CEP164: variants seen among roughly 807,000 people sequenced by gnomAD.
The protein encoded by CEP164 is centrosomal protein of 164 kDa.
CEP164 carries 162 observed loss-of-function variants against 182.7 expected under a neutral mutation model. The ratio of observed to expected loss-of-function variants is 0.89; its 90% CI spans 0.78 to 1.01. The LOEUF (loss-of-function observed/expected upper bound fraction) is 1.01. CEP164 is among the 50% of genes least tolerant of loss of function. The probability of loss-of-function intolerance (pLI) is 0.00; values close to 1 mark genes in which losing one functional copy is unlikely to be tolerated. For missense variants in CEP164, 1,735 were observed against 1,790.4 expected (o/e 0.97, Z 0.56); for synonymous variants, 661 against 690.0 (o/e 0.96, Z 0.66).
At chr11:117,388,278 G>C (rs1006865593) in intron 15 of CEP164, among the ~76,000 whole-genome samples, 1 of 152,244 alleles carries the variant, frequency 6.6e-6, no homozygotes, top group Admixed American at 6.5e-5. Context: ...CTCTTAGGTT[G>C]TGGGGAAGAC....
chr11:117,411,762 C>A lies in CEP164; in HGVS notation c.4164-33C>A. 6.2e-7 allele frequency: 1 copy of A among 1,613,322 alleles called. No homozygotes were observed. Among genetic ancestry groups the A allele is most frequent in the South Asian group, 1.1e-5 (1 of 90,870 alleles). On this transcript the variant is annotated intron_variant, in intron 31 of 32. Transcript: ENST00000278935. The surrounding 1 kb of genome is among the most constrained non-coding windows in gnomAD (Gnocchi z 4.4). ...CCTCTGTCACTTCCGCGCCTCCTCT[C>A]TCCCCTCGCCATGCTCTCCTCTTCC...
At chr11:117,355,892 G>T in intron 5 of CEP164, 4 of 1,041,340 alleles carry the variant, frequency 3.8e-6, no homozygotes, top group Non-Finnish European at 4.6e-6. Flanking sequence ...TCCCCTTTTA[G>T]GGAGGGCTCC....
rs1346647836 is a variant in CEP164, at chr11:117,412,397, A to G, written c.*229A>G. On this transcript the variant is annotated 3_prime_UTR_variant, in exon 33 of 33. Transcript: ENST00000278935. ...ACTCGTACGAGCTCTTGTCATTGAC[A>G]TGGCAAGCTGATGGCGTGCGGTGGC... The G allele has an allele frequency of 2.4e-6, 1 of 414,250 alleles. No homozygotes were observed. Among genetic ancestry groups the G allele is most frequent in the Non-Finnish European group, 4.4e-6 (1 of 228,902 alleles). The allele number at this position is 414,250 out of a possible 1,614,324, so 25.7% of individuals were successfully genotyped here.
rs147208889 is a variant in CEP164 at position 117,409,017 on chromosome 11, G to T, written c.3737G>T (p.Arg1246Leu). ...SFSPPHREWWRQQRIDSTPSL... is the reference protein window; with the variant it reads ...SFSPPHREWWLQQRIDSTPSL... The stretch of plus-strand genomic sequence containing the variant: ...TCCCCGCCTCACCGTGAGTGGTGGC[G>T]GCAGCAGAGGAGTGAGTGGGGGAGA... The change falls in exon 29 of 33, where the codon CGG becomes CTG. Residue 1246 changes from arginine to leucine, a missense_variant. Transcript: ENST00000278935. The surrounding 1 kb of genome is among the most constrained non-coding windows in gnomAD (Gnocchi z 4.4). 1 of 1,614,020 alleles carries T rather than the reference G, an allele frequency of 6.2e-7. No homozygotes were observed. The highest frequency in any genetic ancestry group is 8.5e-7 in the Non-Finnish European group (1 of 1,179,934).
chr11:117,394,836 C>T lies in CEP164; in HGVS notation c.2761-84C>T, dbSNP rs1430742694. 2 of 1,321,270 alleles carry T rather than the reference C, an allele frequency of 1.5e-6. No homozygotes were observed. Among genetic ancestry groups the T allele is most frequent in the African/African-American group, 1.4e-5 (1 of 69,094 alleles). The allele number at this position is 1,321,270 out of a possible 1,614,324, so 81.8% of individuals were successfully genotyped here. On this transcript the variant is annotated intron_variant, in intron 21 of 32. Coordinates refer to ENST00000278935, the MANE Select transcript of CEP164 (RefSeq NM_014956.5). This position sits in a 1 kb window ranked among gnomAD's most constrained non-coding sequence, Gnocchi z 4.0. ...GCCCAGAGTGGAGGTTGTGGTGTGG[C>T]ATGGTGGGTTCTGGAACCCCCTCCT...
In CEP164 at chr11:117,340,672, T is replaced by A. The variant is rs143514225; in HGVS notation, c.82+2004T>A. Among the ~76,000 whole-genome samples, 19 of 152,246 alleles carry A rather than the reference T, an allele frequency of 1.2e-4. No homozygotes were observed. The East Asian group carries it at 3.7e-3, about 29-fold the overall frequency. ...ATGTAGCTAGAACTACAGGTGCATGTCATGTGTCTGGCTAATTAAAATAAA... is the reference window on the plus strand; with the variant it reads ...ATGTAGCTAGAACTACAGGTGCATGACATGTGTCTGGCTAATTAAAATAAA... On this transcript the variant is annotated intron_variant, in intron 3 of 32. Transcript: ENST00000278935.
chr11:117,396,866 G>A (rs1356922552), intron 26 of CEP164, among the ~76,000 whole-genome samples: 1 of 152,206 alleles, frequency 6.6e-6, no homozygotes, highest in African/African-American at 2.4e-5. Flanking sequence ...CTATCTGGAG[G>A]CCCCAGGCCT....
intron 15 of CEP164, among the ~76,000 whole-genome samples, chr11:117,388,684 T>TAGCA (rs1166046325): frequency 6.6e-6 from 1 of 152,226 alleles, no homozygotes; most frequent in Non-Finnish European, 1.5e-5. Context: ...ACTGTGTTGC[T>TAGCA]GTGTGTAAAA....
At chr11:117,355,209 C>T (rs1211689290) in intron 5 of CEP164, 10 of 1,289,856 alleles carry the variant, frequency 7.8e-6, no homozygotes, top group Non-Finnish European at 1.0e-5. Flanking sequence ...GGCAGGGCCC[C>T]AGCCCAATGC....
intron 1 of CEP164, among the ~76,000 whole-genome samples, chr11:117,330,542 G>C (rs950911957): frequency 6.6e-6 from 1 of 152,164 alleles, no homozygotes; most frequent in African/African-American, 2.4e-5. Context: ...CTAGCTACTC[G>C]TGAGGCTGAG....
Position 117,391,177 on chromosome 11 carries a change from C to T in CEP164, c.2245C>T (p.Gln749Ter), listed in dbSNP as rs2044605574. Residue 749 changes from glutamine to a stop codon, truncating the protein, a stop_gained, in exon 17 of 33, where the codon CAG becomes TAG. Coordinates refer to ENST00000278935, the MANE Select transcript of CEP164 (RefSeq NM_014956.5). LOFTEE classifies it high-confidence loss of function. ...GAATGCTGCAAAGGAGAAGGCTCTG[C>T]AGCAGCTGAGGGAGCAGCTGGAAGG... ...ALNAAKEKALQQLREQLEGER... is the reference protein window; with the variant it reads ...ALNAAKEKAL 4 of 1,612,544 alleles carry T rather than the reference C, an allele frequency of 2.5e-6. No homozygotes were observed. Among genetic ancestry groups the T allele is most frequent in the Non-Finnish European group, 3.4e-6 (4 of 1,179,762 alleles).
intron 5 of CEP164, chr11:117,359,331 G>C (rs1265555697): frequency 1.2e-6 from 1 of 810,998 alleles, no homozygotes; most frequent in Non-Finnish European, 1.5e-6. Flanking sequence ...GGTTGTGAGA[G>C]TAAAATAAGA....
At chr11:117,367,590 A>G (rs905594065) in intron 8 of CEP164, among the ~76,000 whole-genome samples, 19 of 152,316 alleles carry the variant, frequency 1.2e-4, no homozygotes, top group Admixed American at 1.2e-3. Flanking sequence ...TTTGTTACAT[A>G]TGTATACATG....
At chr11:117,327,818 C>T, upstream of CEP164, 1 of 152,278 alleles carries the variant, frequency 6.6e-6, no homozygotes, top group East Asian at 1.9e-4. Flanking sequence ...AGGCGGGACT[C>T]CCGGTTGCTA....
At chr11:117,341,215 TC>T (rs2038061520) in intron 3 of CEP164, among the ~76,000 whole-genome samples, 1 of 152,220 alleles carries the variant, frequency 6.6e-6, no homozygotes, top group Non-Finnish European at 1.5e-5. Flanking sequence ...ATAAAAACTT[TC>T]TTCGGCCCAG....
At chr11:117,344,332 C>A in intron 4 of CEP164, 55 bp downstream of exon 4, 1 of 1,221,418 alleles carries the variant, frequency 8.2e-7, no homozygotes, top group Non-Finnish European at 1.2e-6. Flanking sequence ...CAGAGGGAAG[C>A]TAATACTGGA....
chr11:117,373,675 A>G (rs2135968863), intron 9 of CEP164, 76 bp from the exon 10 acceptor site: 1 of 1,339,262 alleles, frequency 7.5e-7, no homozygotes, highest in Non-Finnish European at 1.1e-6. Flanking sequence ...CATGGCCTGA[A>G]CAGAATTCCC....
chr11:117,325,806 C>T (rs2035407830), upstream of CEP164, among the ~76,000 whole-genome samples: 1 of 151,328 alleles, frequency 6.6e-6, no homozygotes, highest in Admixed American at 6.6e-5. Flanking sequence ...TGACGTCAAT[C>T]TAAATAACAG....
rs1000778480 is a variant in CEP164, at chr11:117,395,735, C to T, written c.3089+13C>T. 1.9e-6 allele frequency: 3 copies of T among 1,600,102 alleles called. No homozygotes were observed. The highest frequency in any genetic ancestry group is 2.3e-5 in the South Asian group (2 of 88,404). ...AGAAACACTTCAGGTGGCGTGGGCA[C>T]CCTGCACTTAGCCCTGCTGGCTGCC... is the stretch of plus-strand genomic sequence containing the variant. On this transcript the variant is annotated intron_variant, in intron 24 of 32. Coordinates refer to ENST00000278935, the MANE Select transcript of CEP164 (RefSeq NM_014956.5).
Sources: gnomAD v4.1 joint callset for allele counts (sites outside exome capture counted in the v4.1 genomes callset) on GRCh38, gnomAD v4.1.1 for gene constraint, Gnocchi (gnomAD v3.1) non-coding constraint, MANE v1.5 for transcripts, NCBI Gene and HGNC (gene_info 2026-07-23, HGNC 2026-07-21) for gene names.